The following CLVS2 variants were observed in gnomAD, a reference collection of about 807,000 sequenced individuals.
The protein encoded by CLVS2 is clavesin 2, also known as clavesin-2.
Under a neutral mutation model 29.0 loss-of-function variants are expected in CLVS2, and 19 were observed. That is an observed-to-expected ratio of 0.66 (90% CI 0.46 to 0.96). The LOEUF (loss-of-function observed/expected upper bound fraction) is 0.96, where lower values mean the gene tolerates loss of function less well. CLVS2 is among the 40% of genes least tolerant of loss of function. The pLI, the probability that CLVS2 is intolerant of heterozygous loss-of-function variation, is 0.00. For synonymous variants in CLVS2, 161 were observed against 151.3 expected (o/e 1.06, Z -0.47); for missense variants, 294 against 404.1 (o/e 0.73, Z 2.34).
At chr6:123,015,711 G>A (rs1458009535) in intron 3 of CLVS2, among the ~76,000 whole-genome samples, 3 of 152,048 alleles carry the variant, frequency 2.0e-5, no homozygotes, top group Admixed American at 1.3e-4. Context: ...CTGGCCTGTG[G>A]CTTTGGACTT....
At chr6:123,030,460 G>T (rs2114332803) in intron 3 of CLVS2, among the ~76,000 whole-genome samples, 1 of 152,248 alleles carries the variant, frequency 6.6e-6, no homozygotes, top group African/African-American at 2.4e-5. Flanking sequence ...ACTATCTGTT[G>T]TTCAGACTCA....
At chr6:123,021,051 TG>T (rs60372312) in intron 3 of CLVS2, among the ~76,000 whole-genome samples, 28 of 148,494 alleles carry the variant, frequency 1.9e-4, no homozygotes, top group East Asian at 1.4e-3. Context: ...TGAAAGAGTA[TG>T]GGGGGGGTAA....
chr6:123,008,065 C>T (rs1478797207), intron 2 of CLVS2, among the ~76,000 whole-genome samples: 2 of 152,114 alleles, frequency 1.3e-5, no homozygotes, highest in Non-Finnish European at 2.9e-5. Flanking sequence ...TACTGTTCTG[C>T]TGAGGAATAG....
At chr6:123,029,608 A>T (rs1299140390) in intron 3 of CLVS2, among the ~76,000 whole-genome samples, 1 of 152,206 alleles carries the variant, frequency 6.6e-6, no homozygotes, top group Non-Finnish European at 1.5e-5. Context: ...GAAACAAAAT[A>T]GTAGAAGGAC....
intron 2 of CLVS2, among the ~76,000 whole-genome samples, chr6:123,008,394 A>T (rs866321086): frequency 6.6e-6 from 1 of 152,100 alleles, no homozygotes; most frequent in Non-Finnish European, 1.5e-5. Context: ...CTTGATTTTG[A>T]AACAGTTTAG....
intron 2 of CLVS2, among the ~76,000 whole-genome samples, chr6:122,999,118 A>T (rs1045796322): frequency 6.6e-6 from 1 of 152,218 alleles, no homozygotes; most frequent in Non-Finnish European, 1.5e-5. Flanking sequence ...AAATGCTACC[A>T]GAGCTATGAA....
chr6:123,037,167 T>C (rs117269677), intron 3 of CLVS2, among the ~76,000 whole-genome samples: 2 of 152,194 alleles, frequency 1.3e-5, no homozygotes, highest in Non-Finnish European at 2.9e-5. Flanking sequence ...CACTTGAAAT[T>C]CACATCACTC....
intron 3 of CLVS2, among the ~76,000 whole-genome samples, chr6:123,035,964 G>A (rs1355393503): frequency 1.8e-4 from 27 of 152,156 alleles, no homozygotes. Flanking sequence ...AGGAAAGACT[G>A]TAGATGTGTG....
intron 4 of CLVS2, among the ~76,000 whole-genome samples, chr6:123,048,990 A>G (rs1772563576): frequency 6.6e-6 from 1 of 152,158 alleles, no homozygotes; most frequent in Non-Finnish European, 1.5e-5. Flanking sequence ...TAAAGACTCA[A>G]TTTAAAGGCC....
In CLVS2 at chr6:123,003,584, A is replaced by T. The variant is rs563251745; in HGVS notation, c.389+5418A>T. ...AATATTTTGGTCAAATTAATTGAAA[A>T]AAATACACTTTGAGAATTTGTTATG... On this transcript the variant is annotated intron_variant, in intron 2 of 5. Coordinates refer to ENST00000275162, the MANE Select transcript of CLVS2 (RefSeq NM_001010852.4). 1.6e-3 allele frequency among the ~76,000 whole-genome samples: 111 copies of T among 71,592 alleles called. 1 individual carries two copies. In the East Asian group the frequency reaches 0.089, roughly 57 times the overall value. 47.0% of individuals were successfully genotyped at this position (71,592 alleles called of 152,430 possible). A position where few individuals can be genotyped will look rare whatever the true frequency, so the allele number is the denominator to read the frequency against.
chr6:123,021,460 T>C (rs1168091653), intron 3 of CLVS2, among the ~76,000 whole-genome samples: 2 of 152,054 alleles, frequency 1.3e-5, no homozygotes, highest in Non-Finnish European at 2.9e-5. Flanking sequence ...TCCTCTGATT[T>C]TTTTTGGTGT....
At chr6:123,034,007 G>A (rs559345094) in intron 3 of CLVS2, among the ~76,000 whole-genome samples, 9 of 152,186 alleles carry the variant, frequency 5.9e-5, no homozygotes, top group African/African-American at 2.2e-4. Flanking sequence ...AAACCACAGT[G>A]AGATATCACT....
chr6:123,018,698 G>T (rs1457431231), intron 3 of CLVS2, among the ~76,000 whole-genome samples: 1 of 145,424 alleles, frequency 6.9e-6, no homozygotes, highest in African/African-American at 2.5e-5. Context: ...AAAAAAGTGG[G>T]CTTGATTTTC....
At chr6:123,030,254 T>C (rs1775064375) in intron 3 of CLVS2, among the ~76,000 whole-genome samples, 1 of 152,216 alleles carries the variant, frequency 6.6e-6, no homozygotes, top group Non-Finnish European at 1.5e-5. Flanking sequence ...ATCTTTCATC[T>C]CATCTCTGTT....
At chr6:123,004,467 G>T (rs181691976) in intron 2 of CLVS2, among the ~76,000 whole-genome samples, 3 of 152,306 alleles carry the variant, frequency 2.0e-5, no homozygotes, top group Non-Finnish European at 2.9e-5. Flanking sequence ...TTATTCCAGG[G>T]ATTGTAGATT....
At chr6:123,053,489 C>T (rs190555941) in intron 4 of CLVS2, among the ~76,000 whole-genome samples, 9 of 152,126 alleles carry the variant, frequency 5.9e-5, no homozygotes, top group Admixed American at 1.3e-4. Context: ...CCCATTGCTA[C>T]GGAGGGTTAA....
intron 3 of CLVS2, among the ~76,000 whole-genome samples, chr6:123,021,755 A>G (rs1477921560): frequency 6.6e-6 from 1 of 152,110 alleles, no homozygotes; most frequent in Non-Finnish European, 1.5e-5. Flanking sequence ...GGCATCACTC[A>G]GATGGGGATG....
chr6:123,042,267 C>CT (rs568728820), intron 3 of CLVS2, among the ~76,000 whole-genome samples: 7 of 152,118 alleles, frequency 4.6e-5, no homozygotes, highest in African/African-American at 1.2e-4. Context: ...ATTCAATTAT[C>CT]TTTTTTTCTC....
chr6:123,015,988 G>A (rs1774825447), intron 3 of CLVS2, among the ~76,000 whole-genome samples: 2 of 115,444 alleles, frequency 1.7e-5, no homozygotes. Context: ...CCAACAAAAT[G>A]TATTTCCGTG....
Sources: gnomAD v4.1 joint callset for allele counts (sites outside exome capture counted in the v4.1 genomes callset) on GRCh38, gnomAD v4.1.1 for gene constraint, MANE v1.5 for transcripts, NCBI Gene and HGNC (gene_info 2026-07-23, HGNC 2026-07-21) for gene names.